CDH23: variants seen among roughly 807,000 people sequenced by gnomAD.
CDH23 encodes the protein cadherin-23.
In CDH23, 189 loss-of-function variants were observed where a neutral mutation model predicts 317.1. That is an observed-to-expected ratio of 0.60 (90% CI 0.53 to 0.67). The LOEUF is 0.67. CDH23 is among the 30% of genes least tolerant of loss of function. The probability of loss-of-function intolerance (pLI) is 0.00; values close to 1 mark genes in which losing one functional copy is unlikely to be tolerated. For synonymous variants in CDH23, 1,839 were observed against 1,876.8 expected, an observed-to-expected ratio of 0.98 and a Z score of 0.52; for missense variants, 4,401 against 4,592.4, an observed-to-expected ratio of 0.96 and a Z score of 1.20.
chr10:71,755,674 C>T (rs566857868), intron 38 of CDH23, among the ~76,000 whole-genome samples: 1 of 152,264 alleles, frequency 6.6e-6, no homozygotes, highest in South Asian at 2.1e-4. Context: ...CCCTATGCCC[C>T]TGGAGCACTC....
At chr10:71,711,161 T>C (rs1270498700) in intron 27 of CDH23, among the ~76,000 whole-genome samples, 1 of 152,064 alleles carries the variant, frequency 6.6e-6, no homozygotes, top group African/African-American at 2.4e-5. Flanking sequence ...TGGAGACTTG[T>C]TATCACCCCT....
intron 32 of CDH23, 160 bp downstream of exon 32, chr10:71,732,535 G>T (rs1839427560): frequency 7.5e-7 from 1 of 1,328,414 alleles, no homozygotes; most frequent in Non-Finnish European, 1.0e-6. Flanking sequence ...GAGAGGCTGG[G>T]GCAGGAAGAT....
intron 11 of CDH23, among the ~76,000 whole-genome samples, chr10:71,625,343 A>G (rs1352671511): frequency 6.6e-6 from 1 of 150,786 alleles, no homozygotes; most frequent in Non-Finnish European, 1.5e-5. Flanking sequence ...CATAGAAAAA[A>G]AAAACGGAAA....
rs147697922 is a variant in CDH23 at position 71,642,766 on chromosome 10, CCT to C, written c.1135-1090_1135-1089del. On this transcript the variant is annotated intron_variant, in intron 11 of 69. Coordinates refer to ENST00000224721, the MANE Select transcript of CDH23 (RefSeq NM_022124.6). Reference sequence around the variant, plus strand: ...ATGCAACCATGGGCTGCTCAGTCAACCTCTCTGAACTCAATTCCACTGGAGGG... The same window carrying C: ...ATGCAACCATGGGCTGCTCAGTCAACCTCTGAACTCAATTCCACTGGAGGG... 7.8e-3 allele frequency among the ~76,000 whole-genome samples: 1,189 copies of C among 152,260 alleles called. 16 individuals are homozygous for C. Among genetic ancestry groups the C allele is most frequent in the African/African-American group, 0.027 (1,125 of 41,538 alleles).
chr10:71,419,900 G>A (rs1848675877), intron 1 of CDH23, among the ~76,000 whole-genome samples: 1 of 152,132 alleles, frequency 6.6e-6, no homozygotes. Context: ...TGTCACCAGG[G>A]GTTTCACTTG....
At chr10:71,616,764 G>T (rs1164843654) in intron 10 of CDH23, among the ~76,000 whole-genome samples, 2 of 152,162 alleles carry the variant, frequency 1.3e-5, no homozygotes, top group African/African-American at 2.4e-5. Context: ...CCTCAGAGTC[G>T]AGCACAGGGT....
intron 32 of CDH23, 161 bp downstream of exon 32, chr10:71,732,536 G>A: frequency 2.3e-6 from 3 of 1,317,346 alleles, no homozygotes; most frequent in Non-Finnish European, 3.1e-6. Flanking sequence ...AGAGGCTGGG[G>A]CAGGAAGATT....
In CDH23 at chr10:71,689,010, G is replaced by A. The variant is rs933303366; in HGVS notation, c.2059+1291G>A. ...AGTCAGGGATGGTGGAGCCAGGGGT[G>A]GTGGAGTCAGGGGTGGTGGAGTCAG... On this transcript the variant is annotated intron_variant, in intron 19 of 69. Transcript: ENST00000224721. Among the ~76,000 whole-genome samples the A allele has an allele frequency of 5.8e-3, 376 of 65,296 alleles. 2 individuals carry two copies. Among genetic ancestry groups the A allele is most frequent in the African/African-American group, 7.6e-3 (157 of 20,578 alleles). 42.8% of individuals were successfully genotyped at this position (65,296 alleles called of 152,430 possible). A position where few individuals can be genotyped will look rare whatever the true frequency, so the allele number is the denominator to read the frequency against.
At chr10:71,536,003 C>T (rs1188668508) in intron 6 of CDH23, among the ~76,000 whole-genome samples, 5 of 152,174 alleles carry the variant, frequency 3.3e-5, no homozygotes, top group South Asian at 2.1e-4. Flanking sequence ...CTCCAGGCCT[C>T]GGGGCTGGTT....
At chr10:71,538,159 A>G (rs1855802377) in intron 6 of CDH23, among the ~76,000 whole-genome samples, 1 of 152,126 alleles carries the variant, frequency 6.6e-6, no homozygotes, top group Admixed American at 6.5e-5. Context: ...CCAGGTCTCC[A>G]TGGTCACGTT....
intron 30 of CDH23, among the ~76,000 whole-genome samples, chr10:71,729,278 A>G (rs544426173): frequency 6.9e-6 from 1 of 143,922 alleles, no homozygotes; most frequent in Non-Finnish European, 1.5e-5. Flanking sequence ...TGGGGGCCTC[A>G]GAAGCAAACC....
intron 38 of CDH23, 68 bp from the exon 39 acceptor site, chr10:71,777,612 C>A: frequency 2.9e-6 from 4 of 1,402,840 alleles, no homozygotes; most frequent in Non-Finnish European, 3.9e-6. Context: ...CCCAGGAGAA[C>A]AGCCATCTGG....
In CDH23 at chr10:71,746,591, G is replaced by T. The variant is rs567966157; in HGVS notation, c.4845+4670G>T. The stretch of plus-strand genomic sequence containing the variant: ...GCTTGGGGGAGGGGTTTAAGTGGTT[G>T]TCAGGGAGGCCCCTGCAAAGGAAGA... On this transcript the variant is annotated intron_variant, in intron 38 of 69. Transcript: ENST00000224721. 2.6e-5 allele frequency among the ~76,000 whole-genome samples: 4 copies of T among 152,352 alleles called. No individual in the cohort carries two copies. In the East Asian group the frequency reaches 7.7e-4, roughly 29 times the overall value.
chr10:71,406,529 CTG>C (rs1476543700), intron 1 of CDH23, among the ~76,000 whole-genome samples: 2 of 152,220 alleles, frequency 1.3e-5, no homozygotes, highest in Non-Finnish European at 2.9e-5. Context: ...TGGGAAGACA[CTG>C]TGGCAAACTG....
At chr10:71,553,711 T>G (rs1422846092) in intron 6 of CDH23, among the ~76,000 whole-genome samples, 1 of 152,212 alleles carries the variant, frequency 6.6e-6, no homozygotes, top group Non-Finnish European at 1.5e-5. Flanking sequence ...CTGAGGAGAT[T>G]TGCATATTCA....
intron 14 of CDH23, among the ~76,000 whole-genome samples, chr10:71,658,293 GGAGA>G (rs138447278): frequency 1.3e-4 from 19 of 150,774 alleles, no homozygotes; most frequent in South Asian, 8.4e-4. Context: ...AGCGAGAGAT[GGAGA>G]GAGAGAGAGA....
At chr10:71,802,651 C>A (rs1426390391) in intron 53 of CDH23, among the ~76,000 whole-genome samples, 2 of 152,162 alleles carry the variant, frequency 1.3e-5, no homozygotes, top group African/African-American at 2.4e-5. Flanking sequence ...AACCACTGTT[C>A]TAGTTGTTGA....
chr10:71,539,439 T>TTC (rs940260657), intron 6 of CDH23, among the ~76,000 whole-genome samples: 23 of 151,920 alleles, frequency 1.5e-4, no homozygotes, highest in African/African-American at 5.1e-4. Context: ...CCACTTGCTT[T>TTC]TCTCTCTCTC....
chr10:71,482,599 A>G (rs961307078), intron 3 of CDH23, among the ~76,000 whole-genome samples: 5 of 152,082 alleles, frequency 3.3e-5, no homozygotes, highest in African/African-American at 1.2e-4. Context: ...GCTCAGGACC[A>G]CCTGTGGGGG....
Sources: gnomAD v4.1 joint callset for allele counts (sites outside exome capture counted in the v4.1 genomes callset) on GRCh38, gnomAD v4.1.1 for gene constraint, MANE v1.5 for transcripts, NCBI Gene and HGNC (gene_info 2026-07-23, HGNC 2026-07-21) for gene names.